NCOA2: variants seen among roughly 807,000 people sequenced by gnomAD.
NCOA2 encodes class E basic helix-loop-helix protein 75.
NCOA2 carries 21 observed loss-of-function variants against 145.1 expected under a neutral mutation model. The observed-to-expected ratio is 0.14, with a 90% CI of 0.10 to 0.21. The LOEUF (loss-of-function observed/expected upper bound fraction) is 0.21, where lower values mean the gene tolerates loss of function less well. Ranked by LOEUF, NCOA2 falls within the 10% of genes least tolerant of loss-of-function variation. The pLI is 1.00. For missense variants in NCOA2, 1,472 were observed against 1,837.6 expected (o/e 0.80, Z 3.64); for synonymous variants, 619 against 637.5 (o/e 0.97, Z 0.44).
chr8:70,229,662 G>C (rs1820965621), intron 2 of NCOA2, among the ~76,000 whole-genome samples: 1 of 152,272 alleles, frequency 6.6e-6, no homozygotes, highest in South Asian at 2.1e-4. Flanking sequence ...GCCCTGGACT[G>C]AGTGCTGACT....
intron 2 of NCOA2, among the ~76,000 whole-genome samples, chr8:70,290,780 G>A (rs16936884): frequency 0.088 from 13,298 of 151,706 alleles, 650 homozygotes; most frequent in Admixed American, 0.13. Context: ...TGTTATAAAT[G>A]GTTCAAAATA....
intron 2 of NCOA2, among the ~76,000 whole-genome samples, chr8:70,224,265 G>A (rs1820410425): frequency 6.6e-6 from 1 of 152,132 alleles, no homozygotes; most frequent in Admixed American, 6.5e-5. Flanking sequence ...AATTTTATCT[G>A]GCATACCAAG....
At chr8:70,353,507 C>T (rs1023569935) in intron 1 of NCOA2, among the ~76,000 whole-genome samples, 1 of 147,588 alleles carries the variant, frequency 6.8e-6, no homozygotes, top group East Asian at 2.0e-4. Context: ...ACAGAAGAGA[C>T]CTTAGAAATC....
chr8:70,389,756 C>A (rs1813018703), intron 1 of NCOA2, among the ~76,000 whole-genome samples: 1 of 151,956 alleles, frequency 6.6e-6, no homozygotes, highest in Non-Finnish European at 1.5e-5. Context: ...GCAACCTCTG[C>A]CTCCCAGGTT....
intron 5 of NCOA2, among the ~76,000 whole-genome samples, chr8:70,173,020 A>C (rs541277662): frequency 1.3e-5 from 2 of 152,360 alleles, no homozygotes; most frequent in African/African-American, 4.8e-5. Flanking sequence ...ACACGTAAAC[A>C]GGGACAAAAA....
intron 4 of NCOA2, among the ~76,000 whole-genome samples, chr8:70,212,644 C>G (rs920674886): frequency 1.1e-4 from 16 of 152,166 alleles, no homozygotes; most frequent in Admixed American, 7.2e-4. Flanking sequence ...TAATAGGTAG[C>G]TAGGATTTGT....
intron 1 of NCOA2, among the ~76,000 whole-genome samples, chr8:70,375,843 ATTT>A (rs1333842283): frequency 6.6e-6 from 1 of 152,200 alleles, no homozygotes; most frequent in South Asian, 2.1e-4. Context: ...GAAGCATACA[ATTT>A]TTTATGTTTA....
intron 1 of NCOA2, among the ~76,000 whole-genome samples, chr8:70,399,257 C>A (rs1813996040): frequency 6.6e-6 from 1 of 152,028 alleles, no homozygotes; most frequent in African/African-American, 2.4e-5. Flanking sequence ...CTACTAGAAG[C>A]CTTTAAAAAC....
At chr8:70,229,229 C>T (rs988133835) in intron 2 of NCOA2, among the ~76,000 whole-genome samples, 3 of 152,142 alleles carry the variant, frequency 2.0e-5, no homozygotes, top group Admixed American at 6.5e-5. Context: ...GGGCAAAATG[C>T]TTTGCTCTAT....
chr8:70,411,845 G>A, the NCOA2 span, among the ~76,000 whole-genome samples: 335 of 152,304 alleles, frequency 2.2e-3, 1 homozygote, highest in African/African-American at 7.9e-3. Context: ...GGCCTAGGAA[G>A]GCACATGAGA....
At chr8:70,198,160 G>A (rs184090472) in intron 4 of NCOA2, among the ~76,000 whole-genome samples, 16 of 152,086 alleles carry the variant, frequency 1.1e-4, no homozygotes, top group African/African-American at 3.6e-4. Context: ...CAGGTAAAAG[G>A]GTATAAAAAT....
In NCOA2 at chr8:70,166,770, G is replaced by GT. The variant is rs778854318; in HGVS notation, c.542-17dup. The GT allele has an allele frequency of 3.1e-6, 5 of 1,601,936 alleles. No homozygotes were observed. The highest frequency in any genetic ancestry group is 4.3e-6 in the Non-Finnish European group (5 of 1,173,752). The stretch of plus-strand genomic sequence containing the variant: ...CCCCCATTTACTGAGCAAGGCAAAA[G>GT]TAATCCAGTTTTACAAAGAAACAAA... On this transcript the variant is annotated splice_polypyrimidine_tract_variant and intron_variant, in intron 6 of 22. Transcript: ENST00000452400.
At chr8:70,311,292 A>G (rs1805097577) in intron 1 of NCOA2, among the ~76,000 whole-genome samples, 1 of 152,216 alleles carries the variant, frequency 6.6e-6, no homozygotes, top group African/African-American at 2.4e-5. Flanking sequence ...AAGTGGTAAC[A>G]AGTGCTATGT....
At chr8:70,165,478 T>C (rs1368287162) in intron 7 of NCOA2, among the ~76,000 whole-genome samples, 3 of 152,182 alleles carry the variant, frequency 2.0e-5, no homozygotes, top group South Asian at 2.1e-4. Flanking sequence ...TCTGATTATG[T>C]AGCCGGGGAT....
In NCOA2 at chr8:70,128,857, G is replaced by A. The variant is rs1461711946; in HGVS notation, c.3448C>T (p.Pro1150Ser). ...GTGTGAAAGTTTGGATCTTGCATGG[G>A]AGAATAGCTACCCTGGGCCATTTGT... ...QAQMAQGSYSPMQDPNFHTMG... is the reference protein window; with the variant it reads ...QAQMAQGSYSSMQDPNFHTMG... Residue 1150 changes from proline to serine, a missense_variant, in exon 17 of 23, where the codon CCC becomes TCC. Around this residue, in one of 4 missense-constraint regions of NCOA2, gnomAD observed 953 missense variants for 1,062.1 expected, o/e 0.90. Transcript: ENST00000452400. 5 of 1,614,016 alleles carry A rather than the reference G, an allele frequency of 3.1e-6. No individual in the cohort carries two copies. Among genetic ancestry groups the A allele is most frequent in the Non-Finnish European group, 3.4e-6 (4 of 1,179,898 alleles).
intron 2 of NCOA2, among the ~76,000 whole-genome samples, chr8:70,247,784 A>C (rs147464327): frequency 2.6e-4 from 39 of 152,362 alleles, no homozygotes; most frequent in African/African-American, 8.9e-4. Context: ...CAGCCAGATC[A>C]TGGGCAGCAG....
chr8:70,256,168 G>C (rs1053613817), intron 2 of NCOA2, among the ~76,000 whole-genome samples: 1 of 152,076 alleles, frequency 6.6e-6, no homozygotes, highest in African/African-American at 2.4e-5. Context: ...TTCCAGATTG[G>C]CCAGCCACTC....
At chr8:70,273,633 A>G (rs765772746) in intron 2 of NCOA2, 24 of 730,390 alleles carry the variant, frequency 3.3e-5, no homozygotes, top group Non-Finnish European at 5.2e-5. Context: ...ATTACAGGCT[A>G]TACTGAGACA....
intron 1 of NCOA2, among the ~76,000 whole-genome samples, chr8:70,377,485 A>C (rs1325876768): frequency 6.6e-6 from 1 of 152,312 alleles, no homozygotes; most frequent in East Asian, 1.9e-4. Flanking sequence ...TTCTATCTTT[A>C]ATCAGTTTGG....
Sources: allele counts gnomAD v4.1 joint callset (sites outside exome capture counted in the v4.1 genomes callset), GRCh38; gene constraint gnomAD v4.1.1; regional missense constraint gnomAD v4.1.1; transcripts MANE v1.5; gene names NCBI Gene and HGNC (gene_info 2026-07-23, HGNC 2026-07-21).